The following PARP8 variants were observed in gnomAD, a reference collection of about 807,000 sequenced individuals.
The protein encoded by PARP8 is poly(ADP-ribose) polymerase family member 8, also known as protein mono-ADP-ribosyltransferase PARP8.
In PARP8, 51 loss-of-function variants were observed where a neutral mutation model predicts 124.1. The observed-to-expected ratio is 0.41, with a 90% CI of 0.33 to 0.52. The LOEUF (loss-of-function observed/expected upper bound fraction) is 0.52, where lower values mean the gene tolerates loss of function less well. Ranked by LOEUF, PARP8 falls within the 20% of genes least tolerant of loss-of-function variation. The pLI is 0.21. For missense variants in PARP8, 860 were observed against 1,018.9 expected, an observed-to-expected ratio of 0.84 and a Z score of 2.12; for synonymous variants, 391 against 361.5, an observed-to-expected ratio of 1.08 and a Z score of -0.93.
intron 7 of PARP8, among the ~76,000 whole-genome samples, chr5:50,763,478 C>T (rs2149581600): frequency 6.6e-6 from 1 of 152,200 alleles, no homozygotes; most frequent in South Asian, 2.1e-4. Context: ...AGTTTGAAGA[C>T]ATATCAATCT....
At chr5:50,760,418 A>G in intron 5 of PARP8, 56 bp downstream of exon 5, 8 of 1,273,222 alleles carry the variant, frequency 6.3e-6, no homozygotes, top group Non-Finnish European at 8.4e-6. Context: ...TTTAAAATTT[A>G]CTGGGTTTTT....
At chr5:50,831,071 A>T (rs559791207) in intron 22 of PARP8, among the ~76,000 whole-genome samples, 3 of 152,226 alleles carry the variant, frequency 2.0e-5, no homozygotes, top group African/African-American at 7.2e-5. Context: ...AACCAGATTT[A>T]TAATTAGAAA....
intron 2 of PARP8, among the ~76,000 whole-genome samples, chr5:50,672,304 G>A (rs754243193): frequency 1.3e-5 from 2 of 152,166 alleles, no homozygotes; most frequent in Non-Finnish European, 2.9e-5. Context: ...TCTCCTATGC[G>A]TTGCAGTTTC....
intron 3 of PARP8, among the ~76,000 whole-genome samples, chr5:50,752,369 A>G (rs1292934791): frequency 6.6e-6 from 1 of 152,082 alleles, no homozygotes; most frequent in African/African-American, 2.4e-5. Context: ...CTTTTTAGGG[A>G]TGGTTCTGGG....
intron 18 of PARP8, 62 bp downstream of exon 18, chr5:50,825,037 G>A: frequency 1.5e-6 from 2 of 1,374,942 alleles, no homozygotes; most frequent in South Asian, 1.2e-5. Context: ...TTGATTTAAG[G>A]AAAAAAACCA....
At chr5:50,764,520 A>ACTTTT (rs1202018872) in intron 7 of PARP8, among the ~76,000 whole-genome samples, 5 of 152,210 alleles carry the variant, frequency 3.3e-5, no homozygotes, top group Non-Finnish European at 5.9e-5. Context: ...GAAACTCCCT[A>ACTTTT]CCATCTGCAG....
At chr5:50,795,918 C>T (rs2149652119) in intron 12 of PARP8, among the ~76,000 whole-genome samples, 1 of 152,304 alleles carries the variant, frequency 6.6e-6, no homozygotes, top group Middle Eastern at 3.4e-3. Context: ...ATCCCAGAGC[C>T]TCACTTAAAG....
intron 14 of PARP8, among the ~76,000 whole-genome samples, chr5:50,814,149 T>C (rs144791871): frequency 6.6e-6 from 1 of 152,260 alleles, no homozygotes; most frequent in African/African-American, 2.4e-5. Flanking sequence ...AGAATAGCAT[T>C]TGACACTATC....
intron 2 of PARP8, among the ~76,000 whole-genome samples, chr5:50,692,681 G>C (rs1303498961): frequency 6.6e-6 from 1 of 151,872 alleles, no homozygotes; most frequent in African/African-American, 2.4e-5. Context: ...GATTTCATAG[G>C]CTGGTAAAAA....
chr5:50,723,018 A>G (rs1756055697), intron 2 of PARP8, among the ~76,000 whole-genome samples: 2 of 152,116 alleles, frequency 1.3e-5, no homozygotes, highest in Non-Finnish European at 2.9e-5. Context: ...CTGATTAAAG[A>G]TGAGAGTTAT....
intron 2 of PARP8, among the ~76,000 whole-genome samples, chr5:50,734,554 C>G (rs1385538873): frequency 6.6e-6 from 1 of 152,080 alleles, no homozygotes; most frequent in Non-Finnish European, 1.5e-5. Flanking sequence ...AATATATTTA[C>G]TAGTATATAA....
chr5:50,684,634 A>G (rs1263052997), intron 2 of PARP8, among the ~76,000 whole-genome samples: 1 of 152,194 alleles, frequency 6.6e-6, no homozygotes, highest in African/African-American at 2.4e-5. Context: ...AGAACTTATG[A>G]CAATATTTAG....
chr5:50,801,060 A>C (rs1206614729), intron 14 of PARP8, among the ~76,000 whole-genome samples: 1 of 151,928 alleles, frequency 6.6e-6, no homozygotes, highest in Non-Finnish European at 1.5e-5. Flanking sequence ...ACCTGGTGAA[A>C]AATTTTTAAT....
chr5:50,774,969 G>C (rs1739802486), intron 7 of PARP8, among the ~76,000 whole-genome samples: 1 of 147,774 alleles, frequency 6.8e-6, no homozygotes, highest in Non-Finnish European at 1.5e-5. Context: ...GGGGCGGCCG[G>C]CCAGAGGCGC....
intron 10 of PARP8, among the ~76,000 whole-genome samples, chr5:50,790,908 G>A (rs1320516937): frequency 6.6e-6 from 1 of 152,042 alleles, no homozygotes; most frequent in Non-Finnish European, 1.5e-5. Flanking sequence ...GGTCTGATAT[G>A]TTTGTTTCCC....
chr5:50,700,565 A>G (rs1474602347), intron 2 of PARP8, among the ~76,000 whole-genome samples: 1 of 152,226 alleles, frequency 6.6e-6, no homozygotes, highest in Non-Finnish European at 1.5e-5. Context: ...GTGAAATTGG[A>G]GACTTAATTT....
chr5:50,813,918 A>G lies in PARP8; in HGVS notation c.1576-1514A>G, dbSNP rs116387357. On this transcript the variant is annotated intron_variant, in intron 14 of 25. Coordinates refer to ENST00000281631, the MANE Select transcript of PARP8 (RefSeq NM_024615.4). ...AAGGTTCAGATAAAAACTAGTCATA[A>G]CTCATGTCAGTAAATGAGCCTTTGA... Among the ~76,000 whole-genome samples, 457 of 152,236 alleles carry G rather than the reference A, an allele frequency of 3.0e-3. 2 individuals are homozygous for G. The highest frequency in any genetic ancestry group is 0.01 in the African/African-American group (424 of 41,552).
rs768516446 is a variant in PARP8 at position 50,667,151 on chromosome 5, A to G, written c.56A>G (p.Gln19Arg). ...RIQKDIDVVI[Q>R]KSRAEKDCLF... is the part of the protein sequence containing the mutation. ...CAGAAGGATATCGACGTCGTGATCC[A>G]GAAGTCCAGAGCTGAGAAGGACTGC... The change falls in exon 1 of 26, where the codon CAG (glutamine) becomes CGG (arginine). Residue 19 changes from glutamine to arginine, a missense_variant. Gln to Arg is a conservative substitution (Grantham distance 43). This residue lies in a region of PARP8 where 517 missense variants were observed against 544.2 expected (regional missense o/e 0.95). Coordinates refer to ENST00000281631, the MANE Select transcript of PARP8 (RefSeq NM_024615.4). 3.8e-6 allele frequency: 6 copies of G among 1,596,402 alleles called. No individual in the cohort carries two copies. Among genetic ancestry groups the G allele is most frequent in the Non-Finnish European group, 5.1e-6 (6 of 1,179,752 alleles).
chr5:50,669,799 A>T (rs534384022), intron 2 of PARP8, among the ~76,000 whole-genome samples: 1 of 152,318 alleles, frequency 6.6e-6, no homozygotes, highest in East Asian at 1.9e-4. Flanking sequence ...ATGTAATTTT[A>T]TTAAAGGATA....
Sources: gnomAD v4.1 joint callset for allele counts (sites outside exome capture counted in the v4.1 genomes callset) on GRCh38, gnomAD v4.1.1 for gene constraint, gnomAD v4.1.1 regional missense constraint, MANE v1.5 for transcripts, NCBI Gene and HGNC (gene_info 2026-07-23, HGNC 2026-07-21) for gene names.